SEMA5A: variants seen among roughly 807,000 people sequenced by gnomAD.
The protein encoded by SEMA5A is semaphorin-5A.
A neutral mutation model predicts 135.5 loss-of-function variants in SEMA5A; 55 were observed. The ratio of observed to expected loss-of-function variants is 0.41; its 90% confidence interval spans 0.33 to 0.51. SEMA5A has a LOEUF of 0.51. SEMA5A is among the 20% of genes least tolerant of loss of function. The pLI is 0.37. For synonymous variants in SEMA5A, 580 were observed against 546.5 expected (o/e 1.06, Z -0.85); for missense variants, 1,290 against 1,419.9 (o/e 0.91, Z 1.47).
intron 1 of SEMA5A, chr5:9,498,821 G>A (rs1735434784): frequency 6.6e-6 from 1 of 152,042 alleles, no homozygotes; most frequent in South Asian, 2.1e-4. Context: ...GAATATATAT[G>A]GCATGTTTAG....
At chr5:9,446,659 G>A (rs748528975) in intron 1 of SEMA5A, among the ~76,000 whole-genome samples, 1 of 151,930 alleles carries the variant, frequency 6.6e-6, no homozygotes, top group South Asian at 2.1e-4. Flanking sequence ...GAAAAATGTG[G>A]TCTCTCAATT....
At chr5:9,221,821 A>G (rs952318659) in intron 8 of SEMA5A, among the ~76,000 whole-genome samples, 2 of 152,162 alleles carry the variant, frequency 1.3e-5, no homozygotes, top group African/African-American at 2.4e-5. Context: ...ATTTCTCTGT[A>G]AAGTAGGAGG....
Position 9,041,380 on chromosome 5 carries a change from T to G in SEMA5A, c.*1517A>C, listed in dbSNP as rs1008801130. The G allele has an allele frequency of 4.6e-5, 7 of 152,244 alleles. No homozygotes were observed. The highest frequency in any genetic ancestry group is 1.7e-4 in the African/African-American group (7 of 41,466). The allele number at this position is 152,244 out of a possible 1,614,324, so 9.4% of individuals were successfully genotyped here. A position where few individuals can be genotyped will look rare whatever the true frequency, so the allele number is the denominator to read the frequency against. ...CGTGTCTACCCAGGACTTTATCACA[T>G]GCTCAGAGGCATCAGATGAACTTTT... On this transcript the variant is annotated 3_prime_UTR_variant, in exon 23 of 23. Transcript: ENST00000382496.
chr5:9,275,933 T>C (rs1750238732), intron 5 of SEMA5A, among the ~76,000 whole-genome samples: 2 of 152,054 alleles, frequency 1.3e-5, no homozygotes, highest in South Asian at 4.1e-4. Context: ...CCACTCCAAC[T>C]CAACATAATA....
chr5:9,352,361 T>TCTAG (rs1284103535), intron 3 of SEMA5A, among the ~76,000 whole-genome samples: 3 of 151,318 alleles, frequency 2.0e-5, no homozygotes, highest in African/African-American at 7.4e-5. Context: ...TATCTAGCTA[T>TCTAG]CTAGCTAGCT....
intron 1 of SEMA5A, among the ~76,000 whole-genome samples, chr5:9,472,853 T>C (rs1759525401): frequency 6.6e-6 from 1 of 150,804 alleles, no homozygotes. Context: ...TATAAAAATA[T>C]ATAAAATACA....
chr5:9,418,198 G>A lies in SEMA5A; in HGVS notation c.-78+19558C>T, dbSNP rs568505370. Among the ~76,000 whole-genome samples the A allele has an allele frequency of 1.4e-3, 216 of 152,068 alleles. 1 individual carries two copies. Among genetic ancestry groups the A allele is most frequent in the Admixed American group, 2.6e-3 (40 of 15,284 alleles). ...TCACCGTGTTAGCCAAGATGGTCTCGATCTCCTGACCTCGTGATCCACCCG... is the reference window on the plus strand; with the variant it reads ...TCACCGTGTTAGCCAAGATGGTCTCAATCTCCTGACCTCGTGATCCACCCG... On this transcript the variant is annotated intron_variant, in intron 2 of 22. Coordinates refer to ENST00000382496, the MANE Select transcript of SEMA5A (RefSeq NM_003966.3).
At chr5:9,371,499 A>C (rs1026943794) in intron 3 of SEMA5A, among the ~76,000 whole-genome samples, 1 of 152,208 alleles carries the variant, frequency 6.6e-6, no homozygotes, top group Non-Finnish European at 1.5e-5. Flanking sequence ...TAGATTATAG[A>C]ATTGAAAAGT....
intron 1 of SEMA5A, among the ~76,000 whole-genome samples, chr5:9,490,173 A>C (rs1302642919): frequency 1.3e-5 from 2 of 152,198 alleles, no homozygotes; most frequent in Non-Finnish European, 2.9e-5. Flanking sequence ...TCTTCTGCTC[A>C]TTTGACTAAA....
At chr5:9,216,493 T>TATCA (rs934766802) in intron 8 of SEMA5A, among the ~76,000 whole-genome samples, 1 of 152,196 alleles carries the variant, frequency 6.6e-6, no homozygotes, top group African/African-American at 2.4e-5. Flanking sequence ...TGTAAATGTA[T>TATCA]ATCAGATTCA....
chr5:9,351,916 A>G (rs111401667), intron 3 of SEMA5A, among the ~76,000 whole-genome samples: 20 of 151,960 alleles, frequency 1.3e-4, no homozygotes, highest in African/African-American at 4.8e-4. Context: ...TTTAGCCTTC[A>G]CTCTTTCTCA....
intron 8 of SEMA5A, among the ~76,000 whole-genome samples, chr5:9,205,452 A>G (rs1745961561): frequency 1.3e-5 from 2 of 152,154 alleles, no homozygotes; most frequent in Non-Finnish European, 2.9e-5. Context: ...GAGAGCCAAT[A>G]AATGACTTTC....
intron 4 of SEMA5A, among the ~76,000 whole-genome samples, chr5:9,319,301 G>T (rs748718436): frequency 2.5e-4 from 38 of 152,112 alleles, no homozygotes; most frequent in Non-Finnish European, 5.1e-4. Context: ...TTGGTGGTCT[G>T]CCCAAAGGAA....
intron 16 of SEMA5A, among the ~76,000 whole-genome samples, chr5:9,085,840 T>A (rs1738653129): frequency 6.6e-6 from 1 of 152,138 alleles, no homozygotes; most frequent in African/African-American, 2.4e-5. Context: ...AGACACTCAA[T>A]GCCAGCCTAT....
At chr5:9,295,174 C>G (rs1037770041) in intron 5 of SEMA5A, among the ~76,000 whole-genome samples, 1 of 152,154 alleles carries the variant, frequency 6.6e-6, no homozygotes, top group Non-Finnish European at 1.5e-5. Context: ...TAGGGATTCC[C>G]GCTACCCCAA....
intron 16 of SEMA5A, among the ~76,000 whole-genome samples, chr5:9,084,456 T>C (rs1738566837): frequency 6.6e-6 from 1 of 152,166 alleles, no homozygotes. Flanking sequence ...TGTTGGGAGA[T>C]AATTGAATCA....
chr5:9,338,847 T>C (rs1214375316), intron 3 of SEMA5A, among the ~76,000 whole-genome samples: 2 of 152,150 alleles, frequency 1.3e-5, no homozygotes, highest in African/African-American at 4.8e-5. Context: ...ATGCCCCCAT[T>C]CCGTCTCATA....
At chr5:9,384,601 T>C (rs1454397704) in intron 2 of SEMA5A, among the ~76,000 whole-genome samples, 1,962 of 124,076 alleles carry the variant, frequency 0.016, 159 homozygotes, top group African/African-American at 0.062. Context: ...GATAGATAGA[T>C]AGATAGATAG....
At chr5:9,129,158 C>T (rs1441017688) in intron 13 of SEMA5A, among the ~76,000 whole-genome samples, 1 of 152,092 alleles carries the variant, frequency 6.6e-6, no homozygotes, top group Non-Finnish European at 1.5e-5. Context: ...AGAGGAAGAA[C>T]TTGAAATAAG....
Sources: gnomAD v4.1 joint callset for allele counts (sites outside exome capture counted in the v4.1 genomes callset) on GRCh38, gnomAD v4.1.1 for gene constraint, MANE v1.5 for transcripts, NCBI Gene and HGNC (gene_info 2026-07-23, HGNC 2026-07-21) for gene names.